The following CNTN5 variants were observed in gnomAD, a reference collection of about 807,000 sequenced individuals.
CNTN5 encodes the protein contactin 5, also known as contactin-5.
In CNTN5, 77 loss-of-function variants were observed where a neutral mutation model predicts 129.1. The ratio of observed to expected loss-of-function variants is 0.60; its 90% CI spans 0.50 to 0.72. The LOEUF (loss-of-function observed/expected upper bound fraction) is 0.72, where lower values mean the gene tolerates loss of function less well. Among genes scored for constraint, CNTN5 ranks in the 30% least tolerant of loss-of-function variants. The pLI, the probability that CNTN5 is intolerant of heterozygous loss-of-function variation, is 0.00. For missense variants in CNTN5, 1,478 were observed against 1,328.8 expected, an observed-to-expected ratio of 1.11 and a Z score of -1.75; for synonymous variants, 509 against 465.6, an observed-to-expected ratio of 1.09 and a Z score of -1.20.
At chr11:99,432,113 G>GT (rs1375429987) in intron 2 of CNTN5, among the ~76,000 whole-genome samples, 4 of 152,142 alleles carry the variant, frequency 2.6e-5, no homozygotes, top group African/African-American at 9.7e-5. Context: ...AGGGAAGGCA[G>GT]TTTTTTGCAT....
chr11:100,340,664 CT>C lies in CNTN5; in HGVS notation c.2917+20del. ...CAAGAAATCCCGTAAGTGACCTGGGCTTTTTGTTTGTTTCAGACAAAGGGGA... is the reference window on the plus strand; with the variant it reads ...CAAGAAATCCCGTAAGTGACCTGGGCTTTTGTTTGTTTCAGACAAAGGGGA... On this transcript the variant is annotated intron_variant, in intron 22 of 24. Coordinates refer to ENST00000524871, the MANE Select transcript of CNTN5 (RefSeq NM_014361.4). 2 of 1,576,366 alleles carry C rather than the reference CT, an allele frequency of 1.3e-6. No individual in the cohort carries two copies. The highest frequency in any genetic ancestry group is 1.7e-6 in the Non-Finnish European group (2 of 1,164,188).
At chr11:99,349,513 CA>C (rs1197720046) in intron 2 of CNTN5, among the ~76,000 whole-genome samples, 6 of 152,252 alleles carry the variant, frequency 3.9e-5, no homozygotes, top group Non-Finnish European at 8.8e-5. Flanking sequence ...AAGGTACACA[CA>C]ACATGTTTGG....
intron 1 of CNTN5, among the ~76,000 whole-genome samples, chr11:99,145,330 A>G (rs2135473246): frequency 6.6e-6 from 1 of 152,028 alleles, no homozygotes; most frequent in Non-Finnish European, 1.5e-5. Flanking sequence ...TCGGCCTCCC[A>G]ATGTGCTGGG....
At chr11:99,434,537 C>T (rs767874168) in intron 2 of CNTN5, among the ~76,000 whole-genome samples, 4 of 152,080 alleles carry the variant, frequency 2.6e-5, no homozygotes, top group Non-Finnish European at 5.9e-5. Flanking sequence ...GAAGTCTTTA[C>T]CATAATCCAA....
chr11:99,482,076 G>C (rs2135315973), intron 2 of CNTN5, among the ~76,000 whole-genome samples: 1 of 152,100 alleles, frequency 6.6e-6, no homozygotes, highest in South Asian at 2.1e-4. Flanking sequence ...TAAAGGAAAA[G>C]GTAAATTTTG....
intron 7 of CNTN5, among the ~76,000 whole-genome samples, 185 bp from the exon 8 acceptor site, chr11:99,956,621 C>T (rs1486328815): frequency 6.6e-6 from 1 of 152,110 alleles, no homozygotes; most frequent in Non-Finnish European, 1.5e-5. Context: ...AGAAATATTT[C>T]AGATCTCACC....
chr11:100,016,130 A>T (rs1434114444), intron 9 of CNTN5, among the ~76,000 whole-genome samples: 1 of 152,114 alleles, frequency 6.6e-6, no homozygotes, highest in African/African-American at 2.4e-5. Context: ...TTCTCACCAA[A>T]TAAGTAATCA....
chr11:100,358,130 C>G lies in CNTN5; in HGVS notation c.*1910C>G, dbSNP rs1158626780. ...ATGAATTGTGCATCTGAATAAAAGACAGAAAGAATATTTTTAATGCAAAAT... is the reference window on the plus strand; with the variant it reads ...ATGAATTGTGCATCTGAATAAAAGAGAGAAAGAATATTTTTAATGCAAAAT... On this transcript the variant is annotated 3_prime_UTR_variant, in exon 25 of 25. Transcript: ENST00000524871. 6.6e-6 allele frequency: 1 copy of G among 151,790 alleles called. No homozygotes were observed. 9.4% of individuals were successfully genotyped at this position (151,790 alleles called of 1,614,324 possible). A position where few individuals can be genotyped will look rare whatever the true frequency, so the allele number is the denominator to read the frequency against.
chr11:99,386,211 G>A (rs1940916913), intron 2 of CNTN5, among the ~76,000 whole-genome samples: 1 of 152,192 alleles, frequency 6.6e-6, no homozygotes, highest in Admixed American at 6.5e-5. Flanking sequence ...TTACAGGAAA[G>A]GGGTCCTGAT....
At chr11:99,162,413 C>A (rs929373930) in intron 1 of CNTN5, among the ~76,000 whole-genome samples, 1 of 152,050 alleles carries the variant, frequency 6.6e-6, no homozygotes, top group East Asian at 1.9e-4. Context: ...AGGCAATAAA[C>A]CTAAGCATGA....
intron 1 of CNTN5, among the ~76,000 whole-genome samples, chr11:99,128,284 G>A (rs1042257380): frequency 6.6e-6 from 1 of 152,212 alleles, no homozygotes; most frequent in African/African-American, 2.4e-5. Flanking sequence ...TGTGGCTCTA[G>A]TAGGCAGTTC....
intron 16 of CNTN5, among the ~76,000 whole-genome samples, chr11:100,254,505 C>T (rs369169718): frequency 5.3e-5 from 8 of 152,314 alleles, no homozygotes; most frequent in African/African-American, 1.7e-4. Flanking sequence ...CTTTCGGTCA[C>T]CTTCCTGATA....
In CNTN5 at chr11:99,676,438, T is replaced by G. The variant is rs530028641; in HGVS notation, c.55+120169T>G. 2.0e-5 allele frequency among the ~76,000 whole-genome samples: 3 copies of G among 152,294 alleles called. No individual in the cohort carries two copies. The East Asian group carries it at 5.8e-4, about 29-fold the overall frequency. On this transcript the variant is annotated intron_variant, in intron 3 of 24. Transcript: ENST00000524871. ...AATAGACTACATGCTTTTTGTCACATTATGGGATTTTTCCAAGAAATACAT... is the reference window on the plus strand; with the variant it reads ...AATAGACTACATGCTTTTTGTCACAGTATGGGATTTTTCCAAGAAATACAT...
intron 1 of CNTN5, among the ~76,000 whole-genome samples, chr11:99,316,098 T>A (rs1298058866): frequency 2.0e-5 from 3 of 151,948 alleles, no homozygotes; most frequent in African/African-American, 7.2e-5. Flanking sequence ...TGTTTTCTGA[T>A]TATGAACGCG....
intron 6 of CNTN5, among the ~76,000 whole-genome samples, chr11:99,885,650 T>C (rs534245526): frequency 6.6e-6 from 1 of 152,298 alleles, no homozygotes; most frequent in African/African-American, 2.4e-5. Context: ...GAATTGACTA[T>C]CCAGCCAAAT....
intron 3 of CNTN5, among the ~76,000 whole-genome samples, chr11:99,704,646 CCTA>C (rs1591505546): frequency 6.6e-6 from 1 of 151,256 alleles, no homozygotes; most frequent in East Asian, 1.9e-4. Context: ...TTACTACGTA[CCTA>C]CTACATTTAA....
intron 2 of CNTN5, among the ~76,000 whole-genome samples, chr11:99,336,317 G>A (rs995425485): frequency 3.3e-5 from 5 of 152,164 alleles, no homozygotes; most frequent in African/African-American, 1.2e-4. Context: ...TGCTTGAATG[G>A]CATGGCCTCA....
chr11:100,269,763 A>G (rs1950373715), intron 17 of CNTN5, among the ~76,000 whole-genome samples: 1 of 152,156 alleles, frequency 6.6e-6, no homozygotes, highest in Non-Finnish European at 1.5e-5. Flanking sequence ...GGTTAGAATA[A>G]AAGGGCTGAG....
intron 3 of CNTN5, among the ~76,000 whole-genome samples, chr11:99,784,863 G>A (rs997696642): frequency 2.8e-5 from 4 of 140,618 alleles, no homozygotes; most frequent in Non-Finnish European, 4.5e-5. Context: ...ACAGTGACGC[G>A]ATCTCGACTC....
Sources: gnomAD v4.1 joint callset for allele counts (sites outside exome capture counted in the v4.1 genomes callset) on GRCh38, gnomAD v4.1.1 for gene constraint, MANE v1.5 for transcripts, NCBI Gene and HGNC (gene_info 2026-07-23, HGNC 2026-07-21) for gene names.